The following MESD variants were observed in gnomAD, a reference collection of about 807,000 sequenced individuals.
The protein encoded by MESD is mesoderm development LRP chaperone.
Under a neutral mutation model 12.9 loss-of-function variants are expected in MESD, and 7 were observed. The observed-to-expected ratio is 0.54, with a 90% CI of 0.31 to 1.02. MESD has a LOEUF of 1.02. Ranked by LOEUF, MESD falls within the 50% of genes least tolerant of loss-of-function variation. The probability of loss-of-function intolerance (pLI) is 0.05; values close to 1 mark genes in which losing one functional copy is unlikely to be tolerated. For synonymous variants in MESD, 126 were observed against 115.6 expected (o/e 1.09, Z -0.58); for missense variants, 342 against 296.7 (o/e 1.15, Z -1.12).
intron 3 of MESD, chr15:80,952,895 A>G (rs1329677989): frequency 4.4e-6 from 2 of 451,356 alleles, no homozygotes; most frequent in African/African-American, 2.0e-5. Context: ...CACGGTGCAC[A>G]CAGAGGAACA....
chr15:80,982,537 C>T (rs1311915782), intron 1 of MESD, among the ~76,000 whole-genome samples: 5 of 152,200 alleles, frequency 3.3e-5, no homozygotes, highest in African/African-American at 1.2e-4. Context: ...ACTGATACAT[C>T]TAACAAATCC....
intron 3 of MESD, among the ~76,000 whole-genome samples, chr15:80,967,725 G>A (rs1349314720): frequency 1.3e-5 from 2 of 152,238 alleles, no homozygotes; most frequent in Non-Finnish European, 2.9e-5. Context: ...CTCCTTGGCT[G>A]AGAGCTGCCA....
In MESD at chr15:80,978,979, A is replaced by AT. The variant is rs1354167905; in HGVS notation, c.*239dup. The AT allele has an allele frequency of 3.6e-6, 2 of 559,124 alleles. No homozygotes were observed. The highest frequency in any genetic ancestry group is 6.9e-5 in the Admixed American group (2 of 29,046). The allele number at this position is 559,124 out of a possible 1,614,324, so 34.6% of individuals were successfully genotyped here. A position where few individuals can be genotyped will look rare whatever the true frequency, so the allele number is the denominator to read the frequency against. On this transcript the variant is annotated 3_prime_UTR_variant, in exon 3 of 3. Transcript: ENST00000261758. The stretch of plus-strand genomic sequence containing the variant: ...CACAGTCACATTTCCATGTAAGGAG[A>AT]TTTTATAGTAAACATGAATTTGTCA...
chr15:80,982,856 C>T lies in MESD; in HGVS notation c.214-674G>A, dbSNP rs150334519. 2.2e-3 allele frequency among the ~76,000 whole-genome samples: 336 copies of T among 152,198 alleles called. 3 individuals are homozygous for T. The highest frequency in any genetic ancestry group is 7.7e-3 in the African/African-American group (318 of 41,528). ...AGCACTTTGGGAGGCTGAGGTAAAA[C>T]GATCACTTGAGGCCAGGAGTTCGAC... is the stretch of plus-strand genomic sequence containing the variant. On this transcript the variant is annotated intron_variant, in intron 1 of 2. Transcript: ENST00000261758.
At chr15:80,982,244 G>C (rs1902602400) in intron 1 of MESD, 62 bp from the exon 2 acceptor site, 1 of 1,360,458 alleles carries the variant, frequency 7.4e-7, no homozygotes, top group Admixed American at 1.8e-5. Context: ...AACTGGCACA[G>C]GCAAAAACTT....
chr15:80,981,264 C>T (rs1470071632), intron 2 of MESD, among the ~76,000 whole-genome samples: 4 of 151,288 alleles, frequency 2.6e-5, no homozygotes, highest in African/African-American at 4.9e-5. Flanking sequence ...GGTGAAACCC[C>T]GTCTCTATTA....
At chr15:80,982,280 T>C (rs1902603258) in intron 1 of MESD, 98 bp from the exon 2 acceptor site, 1 of 873,918 alleles carries the variant, frequency 1.1e-6, no homozygotes, top group African/African-American at 1.7e-5. Context: ...TGCATGTATA[T>C]GACTTAAATT....
At chr15:80,971,393 GC>G (rs1902285374), downstream of MESD, among the ~76,000 whole-genome samples, 2 of 152,176 alleles carry the variant, frequency 1.3e-5, no homozygotes, top group South Asian at 4.1e-4. Flanking sequence ...GCTCCTCTGA[GC>G]CATCTTCTCA....
chr15:80,946,787 A>C, downstream of MESD: 1 of 646,586 alleles, frequency 1.5e-6, no homozygotes, highest in Non-Finnish European at 2.9e-6. Flanking sequence ...GTTCGTCACC[A>C]CATGGAAAGA....
chr15:80,959,782 C>T (rs1188937115), intron 3 of MESD, among the ~76,000 whole-genome samples: 2 of 152,016 alleles, frequency 1.3e-5, no homozygotes, highest in African/African-American at 4.8e-5. Context: ...AGAAGAATAG[C>T]TCATGTCCCC....
intron 2 of MESD, among the ~76,000 whole-genome samples, chr15:80,981,142 A>C (rs940703289): frequency 1.3e-5 from 2 of 151,708 alleles, no homozygotes; most frequent in African/African-American, 4.8e-5. Flanking sequence ...CTTTACATTA[A>C]AAAAATCTAG....
rs900281507 is a variant in MESD, at chr15:80,977,986, A to C, written c.*1233T>G. The C allele has an allele frequency of 6.6e-6, 1 of 152,208 alleles. No individual in the cohort carries two copies. 9.4% of individuals were successfully genotyped at this position (152,208 alleles called of 1,614,324 possible). A position where few individuals can be genotyped will look rare whatever the true frequency, so the allele number is the denominator to read the frequency against. On this transcript the variant is annotated 3_prime_UTR_variant, in exon 3 of 3. Transcript: ENST00000261758. ...GGGAAATGTGAGCAGCTACCAAATT[A>C]AGGGGAAACAGATGCTGTGAGGCCA...
chr15:80,985,375 A>G (rs1902701240), intron 1 of MESD, among the ~76,000 whole-genome samples: 1 of 152,218 alleles, frequency 6.6e-6, no homozygotes. Context: ...TCTGTTGGCT[A>G]TGACACTGCT....
chr15:80,955,135 A>AG (rs1901941081), intron 3 of MESD, among the ~76,000 whole-genome samples: 3 of 149,118 alleles, frequency 2.0e-5, no homozygotes, highest in Admixed American at 2.0e-4. Flanking sequence ...TGTCTCTACT[A>AG]GAAAAAAAAA....
chr15:80,981,499 G>T (rs1171693399), intron 2 of MESD, among the ~76,000 whole-genome samples: 1 of 150,868 alleles, frequency 6.6e-6, no homozygotes, highest in Non-Finnish European at 1.5e-5. Flanking sequence ...ACCTAGAAAG[G>T]AAAGGCAGAG....
At chr15:80,952,258 A>G in exon 4 of MESD, 1 of 456,262 alleles carries the variant, frequency 2.2e-6, no homozygotes, top group South Asian at 1.5e-5. Context: ...AGGCACAGGT[A>G]GAGGGCACCT....
chr15:80,973,717 C>T (rs1181302468), downstream of MESD, among the ~76,000 whole-genome samples: 1 of 152,086 alleles, frequency 6.6e-6, no homozygotes, highest in Non-Finnish European at 1.5e-5. Flanking sequence ...CTCGACAGAT[C>T]CTGTCTTTAT....
In MESD at chr15:80,979,440, G is replaced by A. The variant is rs762303952; in HGVS notation, c.484C>T (p.Arg162Cys). 49 of 1,614,084 alleles carry A rather than the reference G, an allele frequency of 3.0e-5. No individual in the cohort carries two copies. The highest frequency in any genetic ancestry group is 1.6e-4 in the Middle Eastern group (1 of 6,084). The change falls in exon 3 of 3, where the codon CGC becomes TGC. Residue 162 changes from arginine (R) to cysteine (C), a missense_variant. By Grantham distance (180) the Arg-to-Cys change is radical. Transcript: ENST00000261758. ...ATCTCCCAGGCGTAGCTCCCATCGC[G>A]AAGCATGAAGATAGCACGGTCTGAT... ...VGSDRAIFML[R>C]DGSYAWEIKD...
Position 80,983,676 on chromosome 15 carries a change from A to G in MESD, c.214-1494T>C, listed in dbSNP as rs145942487. On this transcript the variant is annotated intron_variant, in intron 1 of 2. Coordinates refer to ENST00000261758, the MANE Select transcript of MESD (RefSeq NM_015154.3). ...AGCAAGAGAGACAGAAGATGAGCCT[A>G]GAATAATCCCGCATCACAAAGTAGT... Among the ~76,000 whole-genome samples the G allele has an allele frequency of 6.6e-5, 10 of 152,290 alleles. No homozygotes were observed. In the East Asian group the frequency reaches 1.9e-3, roughly 29 times the overall value.
Sources: allele counts gnomAD v4.1 joint callset (sites outside exome capture counted in the v4.1 genomes callset), GRCh38; gene constraint gnomAD v4.1.1; transcripts MANE v1.5; gene names NCBI Gene and HGNC (gene_info 2026-07-23, HGNC 2026-07-21).